ADAM32: variants seen among roughly 807,000 people sequenced by gnomAD.
ADAM32 encodes the protein disintegrin and metalloproteinase domain-containing protein 32.
Under a neutral mutation model 114.9 loss-of-function variants are expected in ADAM32, and 89 were observed. The observed-to-expected ratio is 0.77, with a 90% CI of 0.65 to 0.92. ADAM32 has a LOEUF of 0.92. ADAM32 is among the 40% of genes least tolerant of loss of function. ADAM32 has a pLI of 0.00. For synonymous variants in ADAM32, 285 were observed against 307.5 expected, an observed-to-expected ratio of 0.93 and a Z score of 0.77; for missense variants, 870 against 932.8, an observed-to-expected ratio of 0.93 and a Z score of 0.88.
At chr8:39,129,337 G>C (rs1475523133) in intron 2 of ADAM32, among the ~76,000 whole-genome samples, 1 of 152,046 alleles carries the variant, frequency 6.6e-6, no homozygotes, top group East Asian at 1.9e-4. Flanking sequence ...TTGTTAACTA[G>C]TGAGGTTTTT....
At position 39,223,025 on chromosome 8, in the gene ADAM32, T is replaced by C; in HGVS notation, c.1327-15T>C. ...ATTTGTAATGCTTTATTTTTTATGT[T>C]CTAACTTCTCTTAGATTTTACAATC... On this transcript the variant is annotated splice_polypyrimidine_tract_variant and intron_variant, in intron 13 of 24. Transcript: ENST00000379907. 14 of 1,539,388 alleles carry C rather than the reference T, an allele frequency of 9.1e-6. No individual in the cohort carries two copies. The highest frequency in any genetic ancestry group is 1.2e-5 in the Non-Finnish European group (14 of 1,145,158).
At chr8:39,153,954 C>T (rs1304907233) in intron 6 of ADAM32, among the ~76,000 whole-genome samples, 1 of 150,794 alleles carries the variant, frequency 6.6e-6, no homozygotes, top group African/African-American at 2.4e-5. Flanking sequence ...GCTCTGGATC[C>T]CCACAGATAT....
At chr8:39,144,118 A>G (rs1202056089) in intron 3 of ADAM32, among the ~76,000 whole-genome samples, 1 of 152,192 alleles carries the variant, frequency 6.6e-6, no homozygotes, top group African/African-American at 2.4e-5. Context: ...TTCTCCAGGT[A>G]CAGTCTGTCA....
chr8:39,195,177 A>G (rs1270345051), intron 11 of ADAM32, among the ~76,000 whole-genome samples: 5 of 152,110 alleles, frequency 3.3e-5, no homozygotes, highest in Non-Finnish European at 5.9e-5. Flanking sequence ...AAGATCTGCT[A>G]GGAGCCCACC....
At chr8:39,170,785 T>C (rs1805138081) in intron 10 of ADAM32, among the ~76,000 whole-genome samples, 1 of 152,126 alleles carries the variant, frequency 6.6e-6, no homozygotes, top group Non-Finnish European at 1.5e-5. Context: ...GAAACTGTTA[T>C]TCATTTTTTT....
intron 10 of ADAM32, among the ~76,000 whole-genome samples, chr8:39,175,828 G>C (rs1805488893): frequency 6.6e-6 from 1 of 152,026 alleles, no homozygotes; most frequent in Non-Finnish European, 1.5e-5. Flanking sequence ...TTGGTTGATA[G>C]GCTATTCATT....
At chr8:39,143,677 C>T (rs1003332299) in intron 3 of ADAM32, among the ~76,000 whole-genome samples, 3 of 152,156 alleles carry the variant, frequency 2.0e-5, no homozygotes, top group African/African-American at 7.2e-5. Context: ...CAGGGACCCA[C>T]TTGAGGAGGC....
In ADAM32 at chr8:39,118,231, G is replaced by T; in HGVS notation, c.138+66G>T. ...TTTCATATTTTTATTATATAGCTAT[G>T]AAATATGTCAAGCCCATTTTAATAT... On this transcript the variant is annotated intron_variant, in intron 2 of 24. Coordinates refer to ENST00000379907, the MANE Select transcript of ADAM32 (RefSeq NM_145004.7). 4.1e-6 allele frequency: 4 copies of T among 969,794 alleles called. No homozygotes were observed. The South Asian group carries it at 9.3e-5, about 22-fold the overall frequency. 60.1% of individuals were successfully genotyped at this position (969,794 alleles called of 1,614,324 possible).
intron 11 of ADAM32, among the ~76,000 whole-genome samples, chr8:39,190,113 T>G (rs1806511798): frequency 6.6e-6 from 1 of 152,242 alleles, no homozygotes; most frequent in African/African-American, 2.4e-5. Context: ...AGTTAAACTT[T>G]TAAAGTCCTG....
At chr8:39,121,846 G>A (rs1284665235) in intron 2 of ADAM32, among the ~76,000 whole-genome samples, 1 of 152,154 alleles carries the variant, frequency 6.6e-6, no homozygotes, top group Non-Finnish European at 1.5e-5. Context: ...AGGGCCATGG[G>A]AGAGTTGCTG....
At chr8:39,124,009 CT>C (rs921833803) in intron 2 of ADAM32, among the ~76,000 whole-genome samples, 173 of 143,262 alleles carry the variant, frequency 1.2e-3, no homozygotes, top group African/African-American at 1.5e-3. Context: ...GCCTGGCCTT[CT>C]TTTTTTTTTT....
At chr8:39,137,579 GC>G (rs1212922312) in intron 3 of ADAM32, among the ~76,000 whole-genome samples, 1 of 151,980 alleles carries the variant, frequency 6.6e-6, no homozygotes, top group East Asian at 1.9e-4. Flanking sequence ...AGACCAGCCT[GC>G]CCAACATGGT....
At chr8:39,262,818 G>A (rs1453191864) in intron 19 of ADAM32, among the ~76,000 whole-genome samples, 1 of 151,978 alleles carries the variant, frequency 6.6e-6, no homozygotes, top group Non-Finnish European at 1.5e-5. Flanking sequence ...TGATTCTTGG[G>A]CCTCAGCCTC....
At chr8:39,128,718 G>A (rs1802260298) in intron 2 of ADAM32, among the ~76,000 whole-genome samples, 1 of 152,098 alleles carries the variant, frequency 6.6e-6, no homozygotes, top group Non-Finnish European at 1.5e-5. Flanking sequence ...TGGTGGTGAT[G>A]ATTTCCCTCA....
chr8:39,160,027 A>C (rs541887388), intron 6 of ADAM32, among the ~76,000 whole-genome samples: 3 of 152,132 alleles, frequency 2.0e-5, no homozygotes, highest in African/African-American at 7.2e-5. Context: ...TGAATAGGCC[A>C]TTTGCTCTTA....
At chr8:39,243,558 A>T (rs1308966888) in intron 16 of ADAM32, among the ~76,000 whole-genome samples, 2 of 152,216 alleles carry the variant, frequency 1.3e-5, no homozygotes, top group African/African-American at 2.4e-5. Flanking sequence ...ACACAGAAAA[A>T]GCATTTGACA....
chr8:39,225,704 G>A (rs1052956520), intron 14 of ADAM32, among the ~76,000 whole-genome samples: 2 of 152,118 alleles, frequency 1.3e-5, no homozygotes, highest in East Asian at 3.9e-4. Flanking sequence ...GAAATGCATG[G>A]AGGGTACACT....
At chr8:39,149,950 G>C in intron 5 of ADAM32, 83 bp downstream of exon 5, 1 of 1,103,212 alleles carries the variant, frequency 9.1e-7, no homozygotes, top group Non-Finnish European at 1.3e-6. Context: ...TTAAGTGTGG[G>C]GTTGAAGGAG....
At position 39,284,819 on chromosome 8, in the gene ADAM32, C is replaced by T. The variant is rs1319823994; in HGVS notation, c.*20C>T. ...AACTAGTGATTCCTTCAGAAGGCAA[C>T]GGATAACATCGAGAGTCTCGCTAAG... On this transcript the variant is annotated 3_prime_UTR_variant, in exon 25 of 25. Coordinates refer to ENST00000379907, the MANE Select transcript of ADAM32 (RefSeq NM_145004.7). The T allele has an allele frequency of 6.2e-6, 10 of 1,613,164 alleles. No homozygotes were observed. The highest frequency in any genetic ancestry group is 2.2e-5 in the East Asian group (1 of 44,862).
Sources: gnomAD v4.1 joint callset for allele counts (sites outside exome capture counted in the v4.1 genomes callset) on GRCh38, gnomAD v4.1.1 for gene constraint, MANE v1.5 for transcripts, NCBI Gene and HGNC (gene_info 2026-07-23, HGNC 2026-07-21) for gene names.